NOS1AP: variants seen among roughly 807,000 people sequenced by gnomAD.
NOS1AP encodes carboxyl-terminal PDZ ligand of neuronal nitric oxide synthase protein.
In NOS1AP, 21 loss-of-function variants were observed where a neutral mutation model predicts 56.2. The ratio of observed to expected loss-of-function variants is 0.37; its 90% CI spans 0.26 to 0.54. The LOEUF is 0.54. Ranked by LOEUF, NOS1AP falls within the 20% of genes least tolerant of loss-of-function variation. The pLI, the probability that NOS1AP is intolerant of heterozygous loss-of-function variation, is 0.84. For missense variants in NOS1AP, 522 were observed against 657.8 expected, an observed-to-expected ratio of 0.79 and a Z score of 2.26; for synonymous variants, 270 against 274.6, an observed-to-expected ratio of 0.98 and a Z score of 0.17.
chr1:162,261,050 A>G (rs141475694), intron 2 of NOS1AP, among the ~76,000 whole-genome samples: 1,591 of 122,560 alleles, frequency 0.013, 174 homozygotes, highest in African/African-American at 0.049. Flanking sequence ...TATTCCCAAG[A>G]TGACTAATAT....
At chr1:162,358,566 A>T (rs1301185789) in intron 8 of NOS1AP, among the ~76,000 whole-genome samples, 1 of 152,202 alleles carries the variant, frequency 6.6e-6, no homozygotes, top group Non-Finnish European at 1.5e-5. Context: ...GGAGAAAAAA[A>T]ATCATTTCTC....
In NOS1AP at chr1:162,084,377, AC is replaced by A. The variant is rs1570996414; in HGVS notation, c.105+14098del. On this transcript the variant is annotated intron_variant, in intron 1 of 9. Transcript: ENST00000361897. Reference sequence around the variant, plus strand: ...TATCCACTAGGCCTCAGCTGATACCACCCTGGTTGGAAAGGGCAGGGGCAAC... The same window carrying A: ...TATCCACTAGGCCTCAGCTGATACCACCTGGTTGGAAAGGGCAGGGGCAAC... Among the ~76,000 whole-genome samples the A allele has an allele frequency of 2.0e-5, 3 of 152,264 alleles. No individual in the cohort carries two copies. In the East Asian group the frequency reaches 5.8e-4, roughly 29 times the overall value.
chr1:162,137,312 G>A (rs1649046864), intron 1 of NOS1AP, among the ~76,000 whole-genome samples: 1 of 152,170 alleles, frequency 6.6e-6, no homozygotes, highest in African/African-American at 2.4e-5. Flanking sequence ...GCCACCCTGT[G>A]AGCCGTTTGT....
chr1:162,093,100 G>A (rs1284808108), intron 1 of NOS1AP, among the ~76,000 whole-genome samples: 4 of 152,168 alleles, frequency 2.6e-5, no homozygotes, highest in Non-Finnish European at 2.9e-5. Context: ...CTTAGGTAGT[G>A]AAAGGCAGTT....
At chr1:162,102,592 A>G (rs1462032538) in intron 1 of NOS1AP, among the ~76,000 whole-genome samples, 1 of 152,028 alleles carries the variant, frequency 6.6e-6, no homozygotes, top group Non-Finnish European at 1.5e-5. Context: ...TTTGGTTGGT[A>G]GGCTATTTCT....
intron 3 of NOS1AP, among the ~76,000 whole-genome samples, chr1:162,295,560 A>G (rs1655430014): frequency 6.6e-6 from 1 of 152,056 alleles, no homozygotes; most frequent in Non-Finnish European, 1.5e-5. Context: ...ATTTCCATAT[A>G]GAAAAGTGAG....
chr1:162,258,397 A>G (rs959432650), intron 2 of NOS1AP, among the ~76,000 whole-genome samples: 10 of 152,140 alleles, frequency 6.6e-5, no homozygotes, highest in Admixed American at 1.3e-4. Flanking sequence ...TGGGGGAAGA[A>G]TTATTGTAAG....
At chr1:162,168,291 A>C (rs983783526) in intron 2 of NOS1AP, among the ~76,000 whole-genome samples, 1 of 152,206 alleles carries the variant, frequency 6.6e-6, no homozygotes, top group Non-Finnish European at 1.5e-5. Flanking sequence ...CCTGCAGAGT[A>C]CTGCTGTGAC....
intron 4 of NOS1AP, among the ~76,000 whole-genome samples, chr1:162,319,200 A>G (rs1231120268): frequency 6.6e-6 from 1 of 152,056 alleles, no homozygotes; most frequent in Non-Finnish European, 1.5e-5. Flanking sequence ...GCATTGAAAG[A>G]CTCACCCAGT....
In NOS1AP at chr1:162,367,291, C is replaced by T. The variant is rs753046840; in HGVS notation, c.1345C>T (p.Leu449=). The change falls in exon 10 of 10, where the codon CTG becomes TTG. Residue 449 remains leucine (L), a synonymous_variant. Coordinates refer to ENST00000361897, the MANE Select transcript of NOS1AP (RefSeq NM_014697.3). This position sits in a 1 kb window ranked among gnomAD's most constrained non-coding sequence, Gnocchi z 6.5. ...TPPPAQGEAL[L]GGLELIKFRE... is the part of the protein sequence containing the mutation. ...GCCCCCAGCGCAGGGCGAGGCGCTC[C>T]TGGGCGGTCTGGAGCTCATCAAGTT... 3.1e-6 allele frequency: 5 copies of T among 1,613,454 alleles called. No individual in the cohort carries two copies. The highest frequency in any genetic ancestry group is 4.2e-6 in the Non-Finnish European group (5 of 1,179,940).
intron 1 of NOS1AP, among the ~76,000 whole-genome samples, chr1:162,131,245 A>C (rs980399895): frequency 6.6e-6 from 1 of 152,080 alleles, no homozygotes; most frequent in Non-Finnish European, 1.5e-5. Context: ...GGAAGCATAT[A>C]TAATAAGCAA....
intron 2 of NOS1AP, among the ~76,000 whole-genome samples, chr1:162,255,109 A>T (rs149265702): frequency 1.4e-3 from 207 of 152,320 alleles, no homozygotes; most frequent in African/African-American, 4.7e-3. Flanking sequence ...ACACATTCAC[A>T]TCTCCCTGGG....
At chr1:162,120,907 T>C (rs914307262) in intron 1 of NOS1AP, among the ~76,000 whole-genome samples, 3 of 151,512 alleles carry the variant, frequency 2.0e-5, no homozygotes, top group African/African-American at 7.3e-5. Context: ...CTAAACCCAG[T>C]GTTCATCTCT....
intron 1 of NOS1AP, among the ~76,000 whole-genome samples, chr1:162,151,561 G>T (rs1290663677): frequency 6.6e-6 from 1 of 152,036 alleles, no homozygotes; most frequent in Non-Finnish European, 1.5e-5. Flanking sequence ...GGATGTCATT[G>T]GTATTTTGAT....
chr1:162,231,647 C>T (rs1316177560), intron 2 of NOS1AP, among the ~76,000 whole-genome samples: 1 of 152,014 alleles, frequency 6.6e-6, no homozygotes, highest in Non-Finnish European at 1.5e-5. Context: ...TCATACTGGC[C>T]ACATTTCAAG....
chr1:162,154,463 T>C lies in NOS1AP; in HGVS notation c.164T>C (p.Met55Thr). Residue 55 changes from methionine to threonine, a missense_variant, in exon 2 of 10, where the codon ATG becomes ACG. Coordinates refer to ENST00000361897, the MANE Select transcript of NOS1AP (RefSeq NM_014697.3). ...PNSRVEIVAA[M>T]RRIRYEFKAK... Reference sequence around the variant, plus strand: ...AGCAGGGTGGAGATCGTGGCTGCCATGCGCCGGATACGGGTGAGTGGCCAG... The same window carrying C: ...AGCAGGGTGGAGATCGTGGCTGCCACGCGCCGGATACGGGTGAGTGGCCAG... The C allele has an allele frequency of 1.2e-6, 2 of 1,613,874 alleles. No homozygotes were observed. Among genetic ancestry groups the C allele is most frequent in the Non-Finnish European group, 1.7e-6 (2 of 1,179,890 alleles).
intron 8 of NOS1AP, 113 bp downstream of exon 8, chr1:162,357,249 C>T: frequency 6.6e-7 from 1 of 1,519,612 alleles, no homozygotes; most frequent in East Asian, 2.4e-5. Context: ...TAAGGAATCG[C>T]TCATGCTATT....
At chr1:162,197,100 G>A (rs752268904) in intron 2 of NOS1AP, among the ~76,000 whole-genome samples, 6 of 152,190 alleles carry the variant, frequency 3.9e-5, no homozygotes, top group East Asian at 3.8e-4. Context: ...CATCAAACAC[G>A]TTTCTGAGGG....
chr1:162,150,064 T>C (rs1428429975), intron 1 of NOS1AP, among the ~76,000 whole-genome samples: 1 of 152,210 alleles, frequency 6.6e-6, no homozygotes, highest in Admixed American at 6.5e-5. Flanking sequence ...TGGTATCAAA[T>C]ACTAGATCTT....
Sources: allele counts gnomAD v4.1 joint callset (sites outside exome capture counted in the v4.1 genomes callset), GRCh38; gene constraint gnomAD v4.1.1; non-coding constraint Gnocchi (gnomAD v3.1); transcripts MANE v1.5; gene names NCBI Gene and HGNC (gene_info 2026-07-23, HGNC 2026-07-21).